Variants in PLEC observed in about 807,000 individuals in gnomAD.
PLEC encodes hemidesmosomal protein 1.
A neutral mutation model predicts 392.8 loss-of-function variants in PLEC; 216 were observed. The ratio of observed to expected loss-of-function variants is 0.55; its 90% CI spans 0.49 to 0.62. The LOEUF (loss-of-function observed/expected upper bound fraction) is 0.62. Ranked by LOEUF, PLEC falls within the 20% of genes least tolerant of loss-of-function variation. The pLI is 0.00. For synonymous variants in PLEC, 3,621 were observed against 2,980.6 expected (o/e 1.21, Z -7.00); for missense variants, 6,863 against 6,563.4 (o/e 1.05, Z -1.58).
rs80304210 is a variant in PLEC, at chr8:143,918,991, G to A, written c.10830C>T (p.Ala3610=). Residue 3610 remains alanine (A), a synonymous_variant, in exon 32 of 32, where the codon GCC becomes GCT. Transcript: ENST00000345136. ...QRAQLMADFQ[A]GRVTKERMII... ...TCATGCGTTCCTTGGTCACCCGGCC[G>A]GCCTGGAAGTCAGCCATCAGCTGGG... 4.2e-4 allele frequency: 679 copies of A among 1,611,190 alleles called. 6 individuals are homozygous for A. In the South Asian group the frequency reaches 6.7e-3, roughly 16 times the overall value.
intron 6 of PLEC, 98 bp from the exon 7 acceptor site, chr8:143,935,411 C>T (rs1828762630): frequency 5.0e-6 from 4 of 807,658 alleles, no homozygotes; most frequent in Non-Finnish European, 8.4e-6. Flanking sequence ...ATCCCAGCAA[C>T]CATGGACCCC....
rs200725005 is a variant in PLEC, at chr8:143,921,220, T to A, written c.8601A>T (p.Leu2867=). The A allele has an allele frequency of 2.5e-6, 4 of 1,613,884 alleles. No individual in the cohort carries two copies. The African/African-American group carries it at 5.3e-5, about 22-fold the overall frequency. Residue 2867 remains leucine (L), a synonymous_variant, in exon 32 of 32, where the codon CTA becomes CTT. Transcript: ENST00000345136. ...NTHENLTYLQ[L]LERCVEDPET... ...CGGGGTCCTCCACGCAGCGCTCCAG[T>A]AGCTGCAGGTACGTGAGGTTCTCGT... is the stretch of plus-strand genomic sequence containing the variant.
In PLEC at chr8:143,925,558, C is replaced by T. The variant is rs782800400; in HGVS notation, c.4371G>A (p.Val1457=). The change falls in exon 31 of 32, where the codon GTG becomes GTA. Residue 1457 remains valine, a synonymous_variant. Coordinates refer to ENST00000345136, the MANE Select transcript of PLEC (RefSeq NM_201384.3). ...GCTCGGTGGCCTCCAACTGCAGGCG[C>T]ACCACGCGGATCTCCTCCTCGATGC... ...RLRIEEEIRV[V]RLQLEATERQ... 22 of 1,590,074 alleles carry T rather than the reference C, an allele frequency of 1.4e-5. No individual in the cohort carries two copies. Among genetic ancestry groups the T allele is most frequent in the Non-Finnish European group, 1.9e-5 (22 of 1,175,660 alleles).
At chr8:143,928,178 G>A (rs1415656131) in intron 25 of PLEC, among the ~76,000 whole-genome samples, 186 bp from the exon 26 acceptor site, 3 of 152,248 alleles carry the variant, frequency 2.0e-5, no homozygotes, top group Non-Finnish European at 4.4e-5. Context: ...AGGAGGTTGG[G>A]AGCCTCTGTA....
intron 1 of PLEC, among the ~76,000 whole-genome samples, chr8:143,962,283 G>A (rs1832904189): frequency 6.6e-6 from 1 of 152,266 alleles, no homozygotes; most frequent in African/African-American, 2.4e-5. Context: ...CACAAGCCAA[G>A]GGGCAGTGGA....
chr8:143,920,129 C>A lies in PLEC; in HGVS notation c.9692G>T (p.Arg3231Leu). 6.2e-7 allele frequency: 1 copy of A among 1,612,904 alleles called. No homozygotes were observed. The highest frequency in any genetic ancestry group is 1.1e-5 in the South Asian group (1 of 91,092). Reference sequence around the variant, plus strand: ...AACCGGGGTCTTTTCAAAGGTCTCACGGGCCTGCAGCTCTGAGTAGAGCTC... The same window carrying A: ...AACCGGGGTCTTTTCAAAGGTCTCAAGGGCCTGCAGCTCTGAGTAGAGCTC... ...QEELYSELQA[R>L]ETFEKTPVEV... is the part of the protein sequence containing the mutation. The change falls in exon 32 of 32, where the codon CGT becomes CTT. Residue 3231 changes from arginine to leucine, a missense_variant. Arg to Leu is a moderately radical substitution (Grantham distance 102). Coordinates refer to ENST00000345136, the MANE Select transcript of PLEC (RefSeq NM_201384.3).
At chr8:143,946,348 A>G in intron 1 of PLEC, 1 of 1,288,346 alleles carries the variant, frequency 7.8e-7, no homozygotes, top group Non-Finnish European at 1.0e-6. Flanking sequence ...TGCCTGCCCT[A>G]CCTTGGCCCA....
chr8:143,975,235 G>A, upstream of PLEC: 1 of 1,606,180 alleles, frequency 6.2e-7, no homozygotes, highest in Non-Finnish European at 8.5e-7. This position sits in a 1 kb window ranked among gnomAD's most constrained non-coding sequence, Gnocchi z 9.9. Flanking sequence ...TGCTCCCAGC[G>A]CCACCCCCGC....
upstream of PLEC, among the ~76,000 whole-genome samples, chr8:143,955,279 C>T (rs184109285): frequency 1.4e-4 from 21 of 152,282 alleles, no homozygotes; most frequent in African/African-American, 4.8e-4. Flanking sequence ...GAGTTTGAGA[C>T]CAGCCTGGCC....
At position 143,927,709 on chromosome 8, in the gene PLEC, G is replaced by A. The variant is rs1289830071; in HGVS notation, c.3457C>T (p.Leu1153=). The part of the protein sequence containing the change: ...QPTFDALRDE[L]RGAQEVGERL... ...TCCCCCACCTCCTGTGCCCCCCGCAGCTCATCCCGCAGGGCGTCGAACGTG... is the reference window on the plus strand; with the variant it reads ...TCCCCCACCTCCTGTGCCCCCCGCAACTCATCCCGCAGGGCGTCGAACGTG... The change falls in exon 27 of 32, where the codon CTG becomes TTG. Residue 1153 remains leucine, a synonymous_variant. Coordinates refer to ENST00000345136, the MANE Select transcript of PLEC (RefSeq NM_201384.3). 4 of 1,588,274 alleles carry A rather than the reference G, an allele frequency of 2.5e-6. No homozygotes were observed. The highest frequency in any genetic ancestry group is 1.1e-5 in the South Asian group (1 of 88,332).
intron 15 of PLEC, 32 bp downstream of exon 15, chr8:143,932,603 C>T (rs782197082): frequency 2.9e-5 from 47 of 1,611,776 alleles, no homozygotes; most frequent in Admixed American, 5.0e-5. Flanking sequence ...GCGGGCTACC[C>T]ACCTCCCCCG....
chr8:143,954,063 G>A (rs1337912887), upstream of PLEC: 4 of 588,450 alleles, frequency 6.8e-6, no homozygotes, highest in Non-Finnish European at 1.1e-5. The surrounding 1 kb of genome is among the most constrained non-coding windows in gnomAD (Gnocchi z 4.6). Context: ...GCGCTCGGAC[G>A]GCCCACTCCC....
rs781876431 is a variant in PLEC, at chr8:143,927,751, C to A, written c.3415G>T (p.Ala1139Ser). ...KASLKKLRAQ[A>S]EAQQPTFDAL... ...TCGAACGTGGGCTGCTGTGCCTCGG[C>A]CTGGGCCCGCAGCTTCTGTTGGGGA... Residue 1139 changes from alanine to serine, a missense_variant, in exon 27 of 32, where the codon GCC becomes TCC. Ala to Ser is a moderately conservative substitution (Grantham distance 99, BLOSUM62 1). Transcript: ENST00000345136. 1 of 1,599,822 alleles carries A rather than the reference C, an allele frequency of 6.3e-7. No homozygotes were observed. The highest frequency in any genetic ancestry group is 1.1e-5 in the South Asian group (1 of 89,242).
chr8:143,925,596 G>C lies in PLEC; in HGVS notation c.4333C>G (p.Arg1445Gly), dbSNP rs782018221. Residue 1445 changes from arginine (R) to glycine (G), a missense_variant, in exon 31 of 32, where the codon CGC (arginine) becomes GGC (glycine). Arg to Gly is a moderately radical substitution (Grantham distance 125). Transcript: ENST00000345136. ...TCCTCCTCGATGCGCAGCCGGCTGCGCTCAGCCGCCTCTGCCTGCCGGGCC... is the reference window on the plus strand; with the variant it reads ...TCCTCCTCGATGCGCAGCCGGCTGCCCTCAGCCGCCTCTGCCTGCCGGGCC... ...AKARQAEAAE[R>G]SRLRIEEEIR... The C allele has an allele frequency of 6.4e-7, 1 of 1,571,112 alleles. No homozygotes were observed. The highest frequency in any genetic ancestry group is 8.6e-7 in the Non-Finnish European group (1 of 1,166,680).
rs782430456 is a variant in PLEC at position 143,919,777 on chromosome 8, C to G, written c.10044G>C (p.Arg3348=). 1.4e-5 allele frequency: 23 copies of G among 1,612,264 alleles called. No individual in the cohort carries two copies. The South Asian group carries it at 2.3e-4, about 16-fold the overall frequency. The change falls in exon 32 of 32, where the codon CGG becomes CGC. Residue 3348 remains arginine (R), a synonymous_variant. Coordinates refer to ENST00000345136, the MANE Select transcript of PLEC (RefSeq NM_201384.3). ...GGCAGCCACTGCCCTGCAGCAGCGT[C>G]CGCACGGAGCCCAGCTCCGAAAGGT... The part of the protein sequence containing the change: ...VKDLSELGSV[R]TLLQGSGCLA...
rs782219243 is a variant in PLEC, at chr8:143,916,621, G to A, written c.13200C>T (p.Pro4400=). The change falls in exon 32 of 32, where the codon CCC becomes CCT. Residue 4400 remains proline, a synonymous_variant. Transcript: ENST00000345136. ...CCAGGGGCACGCGGCCCGGCGTGTC[G>A]GGCTCGATCAAGCCGCCGGTCAGGT... is the stretch of plus-strand genomic sequence containing the variant. The part of the protein sequence containing the change: ...VQYLTGGLIE[P]DTPGRVPLDE... 2.0e-5 allele frequency: 32 copies of A among 1,609,804 alleles called. No homozygotes were observed. In the East Asian group the frequency reaches 2.5e-4, roughly 12 times the overall value.
chr8:143,951,892 C>T (rs540758417), upstream of PLEC, among the ~76,000 whole-genome samples: 999 of 152,130 alleles, frequency 6.6e-3, 5 homozygotes, highest in African/African-American at 0.023. Context: ...CCGCTGCTGC[C>T]GCCCCCACTG....
At position 143,965,013 on chromosome 8, in the gene PLEC, T is replaced by A. The variant is rs1024686428; in HGVS notation, c.70+8390A>T. On this transcript the variant is annotated intron_variant, in intron 1 of 31. Transcript: ENST00000356346. ...CCAACCCCCACCCCCCCGCCCACCC[T>A]GGTGTGCCCCTGTGGATGGCCTTCC... Among the ~76,000 whole-genome samples, 4 of 1,400 alleles carry A rather than the reference T, an allele frequency of 2.9e-3. No homozygotes were observed. In the East Asian group the frequency reaches 0.067, roughly 23 times the overall value. 0.9% of individuals were successfully genotyped at this position (1,400 alleles called of 152,430 possible).
chr8:143,931,518 A>ACAACCCCTCC lies in PLEC; in HGVS notation c.2304+15_2304+16insGGAGGGGTTG, dbSNP rs1554715208. Reference sequence around the variant, plus strand: ...CCAGCCCCTCCTGACACGCCCCTGCACACCCCCTCCCTCACCTGGGCATCC... The same window carrying ACAACCCCTCC: ...CCAGCCCCTCCTGACACGCCCCTGCACAACCCCTCCCACCCCCTCCCTCACCTGGGCATCC... On this transcript the variant is annotated intron_variant, in intron 19 of 31. Coordinates refer to ENST00000345136, the MANE Select transcript of PLEC (RefSeq NM_201384.3). The ACAACCCCTCC allele has an allele frequency of 1.3e-6, 2 of 1,557,862 alleles. No homozygotes were observed.
Sources: allele counts gnomAD v4.1 joint callset (sites outside exome capture counted in the v4.1 genomes callset), GRCh38; gene constraint gnomAD v4.1.1; non-coding constraint Gnocchi (gnomAD v3.1); transcripts MANE v1.5; gene names NCBI Gene and HGNC (gene_info 2026-07-23, HGNC 2026-07-21).